MAGI1: variants seen among roughly 807,000 people sequenced by gnomAD.
MAGI1 encodes the protein membrane-associated guanylate kinase, WW and PDZ domain-containing protein 1.
In MAGI1, 58 loss-of-function variants were observed where a neutral mutation model predicts 139.9. That is an observed-to-expected ratio of 0.41 (90% confidence interval 0.34 to 0.52). The LOEUF is 0.52. Ranked by LOEUF, MAGI1 falls within the 20% of genes least tolerant of loss-of-function variation. MAGI1 has a pLI of 0.12. For synonymous variants in MAGI1, 812 were observed against 737.9 expected (o/e 1.10, Z -1.63); for missense variants, 1,874 against 1,901.6 (o/e 0.99, Z 0.27).
At chr3:65,821,612 T>C (rs938409643) in intron 1 of MAGI1, among the ~76,000 whole-genome samples, 2 of 152,190 alleles carry the variant, frequency 1.3e-5, no homozygotes, top group African/African-American at 4.8e-5. Flanking sequence ...GTAAAGACAT[T>C]GGATTCTTAC....
chr3:65,560,740 A>C (rs1341451985), intron 2 of MAGI1, among the ~76,000 whole-genome samples: 1 of 152,196 alleles, frequency 6.6e-6, no homozygotes, highest in Non-Finnish European at 1.5e-5. Context: ...GAGGCAGGCC[A>C]ATGTGGGTGG....
At chr3:65,984,512 ATGTGTGTGTGTGTGTGTGTG>A (rs34046056) in intron 1 of MAGI1, among the ~76,000 whole-genome samples, 1 of 140,394 alleles carries the variant, frequency 7.1e-6, no homozygotes, top group Admixed American at 7.3e-5. Flanking sequence ...TCAAAATAAA[ATGTGTGTGTGTGTGTGTGTG>A]TGTGTGTGTG....
At chr3:65,728,960 G>C (rs1162271631) in intron 1 of MAGI1, among the ~76,000 whole-genome samples, 1 of 151,918 alleles carries the variant, frequency 6.6e-6, no homozygotes, top group Non-Finnish European at 1.5e-5. Context: ...AATAACTCTT[G>C]AGATTAAATA....
At chr3:65,530,652 T>TAC (rs1184091292) in intron 2 of MAGI1, among the ~76,000 whole-genome samples, 2 of 140,172 alleles carry the variant, frequency 1.4e-5, no homozygotes, top group African/African-American at 5.6e-5. Flanking sequence ...TGTGTGTGTG[T>TAC]GTGTGTGTGT....
chr3:65,437,823 A>G (rs372782141), intron 9 of MAGI1, among the ~76,000 whole-genome samples: 61 of 152,340 alleles, frequency 4.0e-4, no homozygotes, highest in African/African-American at 1.4e-3. Context: ...AACATATTCA[A>G]TTGTACATTC....
chr3:65,916,938 T>C (rs1402843747), intron 1 of MAGI1, among the ~76,000 whole-genome samples: 2 of 152,192 alleles, frequency 1.3e-5, no homozygotes, highest in Non-Finnish European at 2.9e-5. Flanking sequence ...ATCATACACG[T>C]AATATATTAA....
intron 1 of MAGI1, among the ~76,000 whole-genome samples, chr3:65,876,587 T>C (rs1208164509): frequency 2.0e-5 from 3 of 152,022 alleles, no homozygotes; most frequent in Non-Finnish European, 2.9e-5. Flanking sequence ...TTTCTAAATA[T>C]AGAGGGAAAT....
At chr3:65,528,046 G>C (rs1293322448) in intron 2 of MAGI1, among the ~76,000 whole-genome samples, 1 of 151,996 alleles carries the variant, frequency 6.6e-6, no homozygotes, top group Non-Finnish European at 1.5e-5. Context: ...TTTTCAGTTG[G>C]GTGAAAGACT....
intron 1 of MAGI1, among the ~76,000 whole-genome samples, chr3:65,798,009 T>G (rs79189221): frequency 0.028 from 4,303 of 152,168 alleles, 88 homozygotes; most frequent in Non-Finnish European, 0.04. Context: ...TTCTTCACCT[T>G]AAAAACATAG....
intron 1 of MAGI1, among the ~76,000 whole-genome samples, chr3:65,996,777 C>A (rs998057591): frequency 2.0e-5 from 3 of 152,232 alleles, no homozygotes. Flanking sequence ...CGGGCACTCA[C>A]GAAGTTTCAT....
chr3:65,495,053 G>A (rs1400690513), intron 2 of MAGI1, among the ~76,000 whole-genome samples: 1 of 152,156 alleles, frequency 6.6e-6, no homozygotes, highest in Non-Finnish European at 1.5e-5. Flanking sequence ...CCCCTGGCAG[G>A]TGATGACAAA....
intron 12 of MAGI1, among the ~76,000 whole-genome samples, chr3:65,423,384 G>A (rs73127553): frequency 0.094 from 14,273 of 151,502 alleles, 761 homozygotes; most frequent in South Asian, 0.18. Context: ...GCACACACGC[G>A]CACACACACA....
At chr3:65,851,664 G>A (rs964581707) in intron 1 of MAGI1, among the ~76,000 whole-genome samples, 3 of 152,008 alleles carry the variant, frequency 2.0e-5, no homozygotes, top group African/African-American at 2.4e-5. Flanking sequence ...TAGGAGAATC[G>A]CTTGAACCCA....
At chr3:65,597,916 A>AGGGGG in intron 2 of MAGI1, 1 of 224,704 alleles carries the variant, frequency 4.5e-6, no homozygotes, top group Admixed American at 5.4e-5. Context: ...CTGTAAAGAG[A>AGGGGG]GGCGGGGGTG....
At chr3:65,564,525 C>T (rs778587676) in intron 2 of MAGI1, among the ~76,000 whole-genome samples, 4 of 152,132 alleles carry the variant, frequency 2.6e-5, no homozygotes, top group Non-Finnish European at 5.9e-5. Context: ...CTTGAAATAA[C>T]TATGGACAAA....
intron 1 of MAGI1, among the ~76,000 whole-genome samples, chr3:65,717,089 C>T (rs2032355945): frequency 6.6e-6 from 1 of 152,128 alleles, no homozygotes; most frequent in African/African-American, 2.4e-5. Context: ...ATGGGCAAAT[C>T]ACATGAATCT....
In MAGI1 at chr3:65,734,194, C is replaced by T. The variant is rs1576933418; in HGVS notation, c.314-112106G>A. 2.6e-5 allele frequency among the ~76,000 whole-genome samples: 4 copies of T among 152,236 alleles called. No homozygotes were observed. In the Middle Eastern group the frequency reaches 0.01, roughly 388 times the overall value. On this transcript the variant is annotated intron_variant, in intron 1 of 22. Coordinates refer to ENST00000402939, the MANE Select transcript of MAGI1 (RefSeq NM_001033057.2). ...TCTTGACTGGGTGCAGTGACTCACA[C>T]CTGTAATCTCAGCACCTTGGGAGGC...
intron 1 of MAGI1, among the ~76,000 whole-genome samples, chr3:65,742,150 A>G (rs1345210190): frequency 6.6e-6 from 1 of 152,232 alleles, no homozygotes; most frequent in African/African-American, 2.4e-5. Context: ...CAAGAAGAAC[A>G]AAGGCTGTTC....
intron 2 of MAGI1, among the ~76,000 whole-genome samples, chr3:65,620,951 T>C (rs11707253): frequency 0.43 from 64,895 of 152,082 alleles, 14,135 homozygotes; most frequent in Non-Finnish European, 0.45. Context: ...CTGCTTATTC[T>C]TTTACAGAAA....
Sources: allele counts gnomAD v4.1 joint callset (sites outside exome capture counted in the v4.1 genomes callset), GRCh38; gene constraint gnomAD v4.1.1; transcripts MANE v1.5; gene names NCBI Gene and HGNC (gene_info 2026-07-23, HGNC 2026-07-21).